Variants in SUMO3 observed in about 807,000 individuals in gnomAD.
SUMO3 encodes the protein small ubiquitin like modifier 3, also known as small ubiquitin-related modifier 3.
SUMO3 carries 2 observed loss-of-function variants against 11.1 expected under a neutral mutation model. The observed-to-expected ratio is 0.18, with a 90% CI of 0.07 to 0.57. SUMO3 has a LOEUF of 0.57. SUMO3 is among the 20% of genes least tolerant of loss of function. SUMO3 has a pLI of 0.92. For missense variants in SUMO3, 70 were observed against 132.8 expected (o/e 0.53, Z 2.32); for synonymous variants, 56 against 53.5 (o/e 1.05, Z -0.20).
At position 44,812,958 on chromosome 21, in the gene SUMO3, G is replaced by A. The variant is rs143596085; in HGVS notation, c.150+1018C>T. ...GGCCACTCACTCTGCTGGGAAGACC[G>A]GGACCTGCGTGTCTGGAAGCTCAGT... On this transcript the variant is annotated intron_variant, in intron 2 of 3. Coordinates refer to ENST00000332859, the MANE Select transcript of SUMO3 (RefSeq NM_006936.3). 3.2e-3 allele frequency among the ~76,000 whole-genome samples: 483 copies of A among 152,336 alleles called. 1 individual carries two copies. Among genetic ancestry groups the A allele is most frequent in the Non-Finnish European group, 5.4e-3 (366 of 68,030 alleles).
At chr21:44,813,776 A>G in intron 2 of SUMO3, 200 bp downstream of exon 2, 2 of 1,478,858 alleles carry the variant, frequency 1.4e-6, no homozygotes, top group East Asian at 5.0e-5. Context: ...AGGTCCCTCC[A>G]CCTTATAAAA....
At chr21:44,814,229 C>T in intron 1 of SUMO3, 125 bp from the exon 2 acceptor site, 2 of 1,302,896 alleles carry the variant, frequency 1.5e-6, no homozygotes, top group South Asian at 1.4e-5. Context: ...TCTTAAAATT[C>T]TCCAGCAATT....
At position 44,816,078 on chromosome 21, in the gene SUMO3, T is replaced by G. The variant is rs187170345; in HGVS notation, c.21+1870A>C. 2.2e-3 allele frequency among the ~76,000 whole-genome samples: 336 copies of G among 152,282 alleles called. 1 individual carries two copies. The highest frequency in any genetic ancestry group is 7.2e-3 in the African/African-American group (299 of 41,560). On this transcript the variant is annotated intron_variant, in intron 1 of 3. Coordinates refer to ENST00000332859, the MANE Select transcript of SUMO3 (RefSeq NM_006936.3). ...GGGGACCCACCAGAAGCGGGGCCTG[T>G]GAGGTGGCAGCCACTCAGTCATTCT...
chr21:44,816,373 T>C (rs898402218), intron 1 of SUMO3, among the ~76,000 whole-genome samples: 1 of 152,194 alleles, frequency 6.6e-6, no homozygotes, highest in Non-Finnish European at 1.5e-5. Flanking sequence ...AAATGCCATC[T>C]GGATAGGGCA....
chr21:44,809,745 G>A (rs2083199707), intron 2 of SUMO3, among the ~76,000 whole-genome samples: 1 of 152,220 alleles, frequency 6.6e-6, no homozygotes, highest in Admixed American at 6.5e-5. Flanking sequence ...TGTGCCAGGG[G>A]AGGGGAAATG....
intron 1 of SUMO3, among the ~76,000 whole-genome samples, chr21:44,815,920 T>C (rs867536069): frequency 3.5e-4 from 54 of 152,218 alleles, no homozygotes; most frequent in African/African-American, 1.1e-3. Flanking sequence ...CCACCTCAGC[T>C]ATCCAGGGAA....
At chr21:44,815,648 T>C (rs1475315660) in intron 1 of SUMO3, among the ~76,000 whole-genome samples, 1 of 152,084 alleles carries the variant, frequency 6.6e-6, no homozygotes, top group Non-Finnish European at 1.5e-5. Flanking sequence ...CTGGCTTCTT[T>C]AGGGAAGGAA....
rs748453958 is a variant in SUMO3 at position 44,806,624 on chromosome 21, T to TA, written c.*326dup. The TA allele has an allele frequency of 2.6e-6, 1 of 378,076 alleles. No homozygotes were observed. The highest frequency in any genetic ancestry group is 4.6e-6 in the Non-Finnish European group (1 of 215,084). 23.4% of individuals were successfully genotyped at this position (378,076 alleles called of 1,614,324 possible). ...TCAGGAGTCAGATCCCTGGCCAGAC[T>TA]AAAAGCGAACATTCAGGCTATAATT... On this transcript the variant is annotated 3_prime_UTR_variant, in exon 4 of 4. Transcript: ENST00000332859.
In SUMO3 at chr21:44,815,414, C is replaced by T. The variant is rs566292662; in HGVS notation, c.22-1310G>A. ...GTGTCCTGGGGCGGCACTCACCCCC[C>T]GACTCCAGTCTTGGGCCAGACACCC... On this transcript the variant is annotated intron_variant, in intron 1 of 3. Coordinates refer to ENST00000332859, the MANE Select transcript of SUMO3 (RefSeq NM_006936.3). 7.2e-5 allele frequency among the ~76,000 whole-genome samples: 11 copies of T among 152,272 alleles called. No individual in the cohort carries two copies. In the East Asian group the frequency reaches 1.4e-3, roughly 19 times the overall value.
In SUMO3 at chr21:44,806,415, C is replaced by T. The variant is rs1365363775; in HGVS notation, c.*536G>A. The stretch of plus-strand genomic sequence containing the variant: ...TTCCAGTATTTTCCCTTCAACTTTT[C>T]CATATACTGACAAAGCTTAAATTTG... On this transcript the variant is annotated 3_prime_UTR_variant, in exon 4 of 4. Coordinates refer to ENST00000332859, the MANE Select transcript of SUMO3 (RefSeq NM_006936.3). 1.3e-5 allele frequency: 2 copies of T among 152,824 alleles called. No individual in the cohort carries two copies. Among genetic ancestry groups the T allele is most frequent in the Middle Eastern group, 6.8e-3 (2 of 294 alleles). 9.5% of individuals were successfully genotyped at this position (152,824 alleles called of 1,614,324 possible). A position where few individuals can be genotyped will look rare whatever the true frequency, so the allele number is the denominator to read the frequency against.
At chr21:44,814,732 C>A (rs2083233880) in intron 1 of SUMO3, among the ~76,000 whole-genome samples, 1 of 152,232 alleles carries the variant, frequency 6.6e-6, no homozygotes, top group Non-Finnish European at 1.5e-5. Context: ...CTCCTTCTCG[C>A]TGCCCTGACA....
Position 44,806,348 on chromosome 21 carries a change from AT to A in SUMO3, c.*602del, listed in dbSNP as rs1443318825. The A allele has an allele frequency of 6.6e-6, 1 of 152,552 alleles. No homozygotes were observed. Among genetic ancestry groups the A allele is most frequent in the African/African-American group, 2.4e-5 (1 of 41,478 alleles). The allele number at this position is 152,552 out of a possible 1,614,324, so 9.4% of individuals were successfully genotyped here. ...AGGGCCAGAGAGCACGTGGGGTCAA[AT>A]TACCAAAAGACTCGGTTATTTTTTA... is the stretch of plus-strand genomic sequence containing the variant. On this transcript the variant is annotated 3_prime_UTR_variant, in exon 4 of 4. Coordinates refer to ENST00000332859, the MANE Select transcript of SUMO3 (RefSeq NM_006936.3).
In SUMO3 at chr21:44,806,091, TATAGACC is replaced by T. The variant is rs1187241239; in HGVS notation, c.*853_*859del. The T allele has an allele frequency of 6.6e-6, 1 of 152,230 alleles. No homozygotes were observed. Among genetic ancestry groups the T allele is most frequent in the Non-Finnish European group, 1.5e-5 (1 of 68,038 alleles). The allele number at this position is 152,230 out of a possible 1,614,324, so 9.4% of individuals were successfully genotyped here. ...CAATACTTAGTCTTACTTTTTTATG[TATAGACC>T]ATAATCATTCATCAGAAGCAAATAC... On this transcript the variant is annotated 3_prime_UTR_variant, in exon 4 of 4. Coordinates refer to ENST00000332859, the MANE Select transcript of SUMO3 (RefSeq NM_006936.3).
At position 44,810,982 on chromosome 21, in the gene SUMO3, CCATGCACACACCCACA is replaced by C. The variant is rs1186913028; in HGVS notation, c.151-1880_151-1865del. On this transcript the variant is annotated intron_variant, in intron 2 of 3. Transcript: ENST00000332859. This position sits in a 1 kb window ranked among gnomAD's most constrained non-coding sequence, Gnocchi z 4.1. ...CACACATGCACACCCATGCACACAC[CCATGCACACACCCACA>C]CATGCACACACCCACATATGCACAC... Among the ~76,000 whole-genome samples the C allele has an allele frequency of 3.7e-3, 510 of 137,886 alleles. 5 individuals carry two copies. Among genetic ancestry groups the C allele is most frequent in the African/African-American group, 0.013 (466 of 35,932 alleles). The allele number at this position is 137,886 out of a possible 152,430, so 90.5% of individuals were successfully genotyped here. A position where few individuals can be genotyped will look rare whatever the true frequency, so the allele number is the denominator to read the frequency against.
intron 3 of SUMO3, chr21:44,808,304 A>T (rs2083190108): frequency 3.0e-6 from 1 of 328,830 alleles, no homozygotes; most frequent in Non-Finnish European, 5.5e-6. Context: ...CAAGGTCAGG[A>T]GATCGAGACC....
chr21:44,814,033 G>A lies in SUMO3; in HGVS notation c.93C>T (p.Phe31=). 1 of 1,613,772 alleles carries A rather than the reference G, an allele frequency of 6.2e-7. No homozygotes were observed. Among genetic ancestry groups the A allele is most frequent in the East Asian group, 2.2e-5 (1 of 44,878 alleles). ...TCAGCGGCGTGTGCCTCTTGATCTT[G>A]AACTGCACCACGGAGCCGTCCTGCC... ...VAGQDGSVVQ[F]KIKRHTPLSK... The change falls in exon 2 of 4, where the codon TTC becomes TTT. Residue 31 remains phenylalanine (F), a synonymous_variant. Transcript: ENST00000332859.
intron 2 of SUMO3, among the ~76,000 whole-genome samples, chr21:44,812,053 C>CTTT (rs386394862): frequency 0.55 from 44,562 of 80,548 alleles, 14,879 homozygotes; most frequent in Non-Finnish European, 0.71. Context: ...AACTTCTCAC[C>CTTT]TTTTTTTTTT....
At chr21:44,815,576 G>C (rs914525225) in intron 1 of SUMO3, among the ~76,000 whole-genome samples, 7 of 152,142 alleles carry the variant, frequency 4.6e-5, no homozygotes, top group Admixed American at 2.6e-4. Flanking sequence ...AACAGCTCCA[G>C]GCAGGATGGA....
chr21:44,813,780 T>C, intron 2 of SUMO3, 196 bp downstream of exon 2: 1 of 1,484,442 alleles, frequency 6.7e-7, no homozygotes, highest in Non-Finnish European at 9.0e-7. Context: ...CCCTCCACCT[T>C]ATAAAAGGCC....
Sources: gnomAD v4.1 joint callset for allele counts (sites outside exome capture counted in the v4.1 genomes callset) on GRCh38, gnomAD v4.1.1 for gene constraint, Gnocchi (gnomAD v3.1) non-coding constraint, MANE v1.5 for transcripts, NCBI Gene and HGNC (gene_info 2026-07-23, HGNC 2026-07-21) for gene names.